MAGEA10: variants seen among roughly 807,000 people sequenced by gnomAD.
MAGEA10 encodes the protein melanoma-associated antigen 10.
A neutral mutation model predicts 8.6 loss-of-function variants in MAGEA10; 7 were observed. That is an observed-to-expected ratio of 0.82 (90% CI 0.46 to 1.53). The LOEUF is 1.53. Ranked by LOEUF, MAGEA10 falls within the 40% of genes most tolerant of loss-of-function variation. The pLI, the probability that MAGEA10 is intolerant of heterozygous loss-of-function variation, is 0.01. For missense variants in MAGEA10, 293 were observed against 274.0 expected (o/e 1.07, Z -0.49); for synonymous variants, 125 against 107.4 (o/e 1.16, Z -1.02).
rs767951816 is a variant in MAGEA10 at position 152,135,450 on chromosome X, AGAG to A, written c.168_170del (p.Ser62del). On this transcript the variant is annotated inframe_deletion, in exon 4 of 4. Transcript: ENST00000370323. Reference sequence around the variant, plus strand: ...GAGGATAGCAGGAGGAGGAGGAGGAAGAGGAGGAGGAGGGAAAAGAGGATGGAA... The same window carrying A: ...GAGGATAGCAGGAGGAGGAGGAGGAAGAGGAGGAGGGAAAAGAGGATGGAA... The A allele has an allele frequency of 5.9e-6, 7 of 1,194,627 alleles. No homozygotes were observed. The highest frequency in any genetic ancestry group is 3.7e-5 in the South Asian group (2 of 53,422).
In MAGEA10 at chrX:152,135,535, T is replaced by G; in HGVS notation, c.86A>C (p.Gln29Pro). The change falls in exon 4 of 4, where the codon CAG (glutamine) becomes CCG (proline). Residue 29 changes from glutamine to proline, a missense_variant. Gln to Pro is a moderately conservative substitution (Grantham distance 76). Coordinates refer to ENST00000370323, the MANE Select transcript of MAGEA10 (RefSeq NM_021048.5). The part of the protein sequence containing the change: ...QSETQGLEGA[Q>P]APLAVEEDAS... The stretch of plus-strand genomic sequence containing the variant: ...ATCCTCCTCCACAGCCAGGGGAGCC[T>G]GTGCACCCTCGAGGCCCTGTGTCTC... 8.5e-7 allele frequency: 1 copy of G among 1,171,265 alleles called. No homozygotes were observed. Among genetic ancestry groups the G allele is most frequent in the Non-Finnish European group, 1.1e-6 (1 of 876,108 alleles).
Position 152,134,906 on chromosome X carries a change from A to G in MAGEA10, c.715T>C (p.Tyr239His), listed in dbSNP as rs754755138. The change falls in exon 4 of 4, where the codon TAC (tyrosine) becomes CAC (histidine). Residue 239 changes from tyrosine (Y) to histidine (H), a missense_variant. Physicochemically the swap from Tyr to His is moderately conservative, Grantham distance 83 (BLOSUM62 2). Transcript: ENST00000370323. ...LILSIVFIEG[Y>H]CTPEEVIWEA... ...CAGATGACCTCCTCAGGGGTGCAGTAGCCCTCTATGAAGACTATGCTTAGG... is the reference window on the plus strand; with the variant it reads ...CAGATGACCTCCTCAGGGGTGCAGTGGCCCTCTATGAAGACTATGCTTAGG... The G allele has an allele frequency of 6.6e-6, 8 of 1,210,887 alleles. No homozygotes were observed. The highest frequency in any genetic ancestry group is 1.8e-5 in the South Asian group (1 of 56,927).
In MAGEA10 at chrX:152,134,598, G is replaced by T. The variant is rs1429344504; in HGVS notation, c.1023C>A (p.Ala341=). ...CATCTGTGGTGGCAATTCTGTCCTG[G>T]GCTCTCTCTTCCTCATCTTTCAAAG... ...EEALKDEEER[A]QDRIATTDDT... The change falls in exon 4 of 4, where the codon GCC becomes GCA. Residue 341 remains alanine, a synonymous_variant. Transcript: ENST00000370323. 1 of 1,207,886 alleles carries T rather than the reference G, an allele frequency of 8.3e-7. No individual in the cohort carries two copies. Among genetic ancestry groups the T allele is most frequent in the Non-Finnish European group, 1.1e-6 (1 of 892,671 alleles).
In MAGEA10 at chrX:152,135,249, T is replaced by C; in HGVS notation, c.372A>G (p.Pro124=). Residue 124 remains proline, a synonymous_variant, in exon 4 of 4, where the codon CCA becomes CCG. Transcript: ENST00000370323. ...EESPSTLQVL[P]DSESLPRSEI... ...CACTTCTGGGTAAAGACTCACTGTC[T>C]GGCAGGACCTGTAGGGTGCTTGGAC... The C allele has an allele frequency of 8.3e-7, 1 of 1,210,337 alleles. No individual in the cohort carries two copies. Among genetic ancestry groups the C allele is most frequent in the East Asian group, 3.0e-5 (1 of 33,773 alleles).
In MAGEA10 at chrX:152,134,747, C is replaced by T. The variant is rs1188457875; in HGVS notation, c.874G>A (p.Ala292Thr). Residue 292 changes from alanine to threonine, a missense_variant, in exon 4 of 4, where the codon GCA (alanine) becomes ACA (threonine). Transcript: ENST00000370323. The stretch of plus-strand genomic sequence containing the variant: ...GGACCCCACAGAAACTCATACCGTG[C>T]AGGATCACTGCCAGGCACCTGCCGG... ...EYRQVPGSDP[A>T]RYEFLWGPRA... is the part of the protein sequence containing the mutation. 1 of 1,211,627 alleles carries T rather than the reference C, an allele frequency of 8.3e-7. No homozygotes were observed. Among genetic ancestry groups the T allele is most frequent in the East Asian group, 3.0e-5 (1 of 33,816 alleles).
At position 152,135,210 on chromosome X, in the gene MAGEA10, C is replaced by T. The variant is rs749548772; in HGVS notation, c.411G>A (p.Lys137=). The T allele has an allele frequency of 7.4e-6, 9 of 1,208,186 alleles. No homozygotes were observed. In the East Asian group the frequency reaches 2.7e-4, roughly 36 times the overall value. ...GCAGAAACTGCACCAAATCAGTCACCTTTTCATCTATCTCACTTCTGGGTA... is the reference window on the plus strand; with the variant it reads ...GCAGAAACTGCACCAAATCAGTCACTTTTTCATCTATCTCACTTCTGGGTA... ...ESLPRSEIDE[K]VTDLVQFLLF... Residue 137 remains lysine (K), a synonymous_variant, in exon 4 of 4, where the codon AAG becomes AAA. Coordinates refer to ENST00000370323, the MANE Select transcript of MAGEA10 (RefSeq NM_021048.5).
In MAGEA10 at chrX:152,135,263, G is replaced by A. The variant is rs773562498; in HGVS notation, c.358C>T (p.Leu120=). ...GACTCACTGTCTGGCAGGACCTGTA[G>A]GGTGCTTGGACTCTCCTCCTTTTGG... ...SSQKEESPST[L]QVLPDSESLP... is the part of the protein sequence containing the mutation. Residue 120 remains leucine (L), a synonymous_variant, in exon 4 of 4, where the codon CTA becomes TTA. Coordinates refer to ENST00000370323, the MANE Select transcript of MAGEA10 (RefSeq NM_021048.5). 3.3e-6 allele frequency: 4 copies of A among 1,210,983 alleles called. No individual in the cohort carries two copies. Among genetic ancestry groups the A allele is most frequent in the South Asian group, 3.5e-5 (2 of 56,831 alleles).
At chrX:152,137,871 G>T (rs1173906522) in intron 1 of MAGEA10, among the ~76,000 whole-genome samples, 6 of 110,713 alleles carry the variant, frequency 5.4e-5, no homozygotes, top group South Asian at 7.8e-4. Flanking sequence ...GGTCCCTTGA[G>T]TCCTTTCTCT....
chrX:152,135,825 C>A lies in MAGEA10; in HGVS notation c.-130G>T. 3 of 319,204 alleles carry A rather than the reference C, an allele frequency of 9.4e-6. No homozygotes were observed. The highest frequency in any genetic ancestry group is 5.6e-6 in the Non-Finnish European group (1 of 177,167). The allele number at this position is 319,204 out of a possible 1,213,427, so 26.3% of individuals were successfully genotyped here. A position where few individuals can be genotyped will look rare whatever the true frequency, so the allele number is the denominator to read the frequency against. On this transcript the variant is annotated 5_prime_UTR_variant, in exon 3 of 4. Coordinates refer to ENST00000370323, the MANE Select transcript of MAGEA10 (RefSeq NM_021048.5). Reference sequence around the variant, plus strand: ...CTCTTGACCTCTTGCTCTCCCTGTCCCCTGAGAACCTGAAGAAGGAAGTGA... The same window carrying A: ...CTCTTGACCTCTTGCTCTCCCTGTCACCTGAGAACCTGAAGAAGGAAGTGA...
At position 152,135,183 on chromosome X, in the gene MAGEA10, G is replaced by A. The variant is rs749434711; in HGVS notation, c.438C>T (p.Leu146=). 5.0e-6 allele frequency: 6 copies of A among 1,210,037 alleles called. No individual in the cohort carries two copies. The South Asian group carries it at 1.1e-4, about 21-fold the overall frequency. Residue 146 remains leucine, a synonymous_variant, in exon 4 of 4, where the codon CTC becomes CTT. Coordinates refer to ENST00000370323, the MANE Select transcript of MAGEA10 (RefSeq NM_021048.5). The part of the protein sequence containing the change: ...EKVTDLVQFL[L]FKYQMKEPIT... ...TCGGCTCCTTCATTTGATACTTGAA[G>A]AGCAGAAACTGCACCAAATCAGTCA...
chrX:152,133,525 A>G lies in MAGEA10; in HGVS notation c.*986T>C, dbSNP rs2124295872. The G allele has an allele frequency of 8.9e-6, 1 of 112,252 alleles. No homozygotes were observed. The highest frequency in any genetic ancestry group is 3.7e-4 in the South Asian group (1 of 2,693). The allele number at this position is 112,252 out of a possible 1,213,427, so 9.3% of individuals were successfully genotyped here. On this transcript the variant is annotated 3_prime_UTR_variant, in exon 4 of 4. Coordinates refer to ENST00000370323, the MANE Select transcript of MAGEA10 (RefSeq NM_021048.5). The stretch of plus-strand genomic sequence containing the variant: ...TACAAATATGATGGAAGGGTTCCCA[A>G]TTTGTTTTACAAAATAGCAAAACTG...
In MAGEA10 at chrX:152,135,634, A is replaced by G. The variant is rs1279184062; in HGVS notation, c.-14T>C. The G allele has an allele frequency of 3.6e-6, 4 of 1,119,264 alleles. No individual in the cohort carries two copies. Among genetic ancestry groups the G allele is most frequent in the Non-Finnish European group, 4.7e-6 (4 of 850,796 alleles). The allele number at this position is 1,119,264 out of a possible 1,213,427, so 92.2% of individuals were successfully genotyped here. ...AGCTCGAGGCATGATGACTCTGATC[A>G]GGGTAGCAGGTGGGAGTGTGGGCAG... On this transcript the variant is annotated 5_prime_UTR_variant, in exon 4 of 4. Coordinates refer to ENST00000370323, the MANE Select transcript of MAGEA10 (RefSeq NM_021048.5).
rs1003487948 is a variant in MAGEA10 at position 152,134,467 on chromosome X, T to C, written c.*44A>G. 3 of 1,070,599 alleles carry C rather than the reference T, an allele frequency of 2.8e-6. No homozygotes were observed. Among genetic ancestry groups the C allele is most frequent in the Non-Finnish European group, 2.5e-6 (2 of 793,007 alleles). The allele number at this position is 1,070,599 out of a possible 1,213,427, so 88.2% of individuals were successfully genotyped here. On this transcript the variant is annotated 3_prime_UTR_variant, in exon 4 of 4. Transcript: ENST00000370323. ...TCCACATATGAGTAAAATCATGTGG[T>C]ATTTGACTTGCCTTTTAAAACACAG...
intron 1 of MAGEA10, among the ~76,000 whole-genome samples, chrX:152,137,355 G>A (rs886869233): frequency 1.0e-5 from 1 of 98,411 alleles, no homozygotes; most frequent in African/African-American, 3.7e-5. Context: ...GAAGTGGGGA[G>A]GGGCACCACA....
At position 152,134,856 on chromosome X, in the gene MAGEA10, C is replaced by T. The variant is rs749993834; in HGVS notation, c.765G>A (p.Leu255=). Residue 255 remains leucine (L), a synonymous_variant, in exon 4 of 4, where the codon CTG becomes CTA. Transcript: ENST00000370323. ...VIWEALNMMG[L]YDGMEHLIYG... ...AAATGAGGTGCTCCATCCCATCATACAGCCCCATCATATTCAGTGCTTCCC... is the reference window on the plus strand; with the variant it reads ...AAATGAGGTGCTCCATCCCATCATATAGCCCCATCATATTCAGTGCTTCCC... 8.3e-7 allele frequency: 1 copy of T among 1,211,401 alleles called. No homozygotes were observed. The highest frequency in any genetic ancestry group is 1.8e-5 in the South Asian group (1 of 56,935).
In MAGEA10 at chrX:152,135,532, G is replaced by T; in HGVS notation, c.89C>A (p.Ala30Asp). ...SETQGLEGAQ[A>D]PLAVEEDASS... The stretch of plus-strand genomic sequence containing the variant: ...AGCATCCTCCTCCACAGCCAGGGGA[G>T]CCTGTGCACCCTCGAGGCCCTGTGT... The change falls in exon 4 of 4, where the codon GCT becomes GAT. Residue 30 changes from alanine to aspartate, a missense_variant. By Grantham distance (126) the Ala-to-Asp change is moderately radical. Coordinates refer to ENST00000370323, the MANE Select transcript of MAGEA10 (RefSeq NM_021048.5). 1 of 1,173,872 alleles carries T rather than the reference G, an allele frequency of 8.5e-7. No homozygotes were observed.
intron 2 of MAGEA10, among the ~76,000 whole-genome samples, chrX:152,136,606 T>A (rs1227676692): frequency 1.8e-5 from 2 of 110,797 alleles, no homozygotes; most frequent in Non-Finnish European, 3.8e-5. Context: ...CTGAGTCCTG[T>A]GCGTTTGGAG....
intron 1 of MAGEA10, 43 bp downstream of exon 1, chrX:152,138,432 T>C (rs1936729706): frequency 9.4e-6 from 1 of 106,928 alleles, no homozygotes; most frequent in Non-Finnish European, 1.9e-5. Flanking sequence ...TAGGGCTTTC[T>C]ATCTGGGTTG....
Position 152,135,792 on chromosome X carries a change from T to A in MAGEA10, c.-97A>T. The A allele has an allele frequency of 2.7e-6, 1 of 367,366 alleles. No homozygotes were observed. The highest frequency in any genetic ancestry group is 4.8e-6 in the Non-Finnish European group (1 of 207,169). 30.3% of individuals were successfully genotyped at this position (367,366 alleles called of 1,213,427 possible). ...TCTCCTTCAGTGCTGCTCTGTGGTGTCCCACAGCTCTTGACCTCTTGCTCT... is the reference window on the plus strand; with the variant it reads ...TCTCCTTCAGTGCTGCTCTGTGGTGACCCACAGCTCTTGACCTCTTGCTCT... On this transcript the variant is annotated 5_prime_UTR_variant, in exon 3 of 4. Transcript: ENST00000370323.
Sources: allele counts gnomAD v4.1 joint callset (sites outside exome capture counted in the v4.1 genomes callset), GRCh38; gene constraint gnomAD v4.1.1; transcripts MANE v1.5; gene names NCBI Gene and HGNC (gene_info 2026-07-23, HGNC 2026-07-21).